Variants in NEB observed in about 807,000 individuals in gnomAD.
NEB encodes nebulin.
Under a neutral mutation model 952.2 loss-of-function variants are expected in NEB, and 512 were observed. The ratio of observed to expected loss-of-function variants is 0.54; its 90% confidence interval spans 0.50 to 0.58. The LOEUF (loss-of-function observed/expected upper bound fraction) is 0.58. Among genes scored for constraint, NEB ranks in the 20% least tolerant of loss-of-function variants. The pLI is 0.00. For missense variants in NEB, 8,428 were observed against 9,231.1 expected (o/e 0.91, Z 3.56); for synonymous variants, 2,900 against 3,149.8 (o/e 0.92, Z 2.66).
At chr2:151,628,377 C>T (rs1236309147) in intron 68 of NEB, among the ~76,000 whole-genome samples, 1 of 152,154 alleles carries the variant, frequency 6.6e-6, no homozygotes, top group East Asian at 1.9e-4. Context: ...ACAAGCCCTG[C>T]TCTGTTGGAG....
chr2:151,502,561 A>G lies in NEB; in HGVS notation c.23928+232T>C, dbSNP rs567255080. Among the ~76,000 whole-genome samples, 7 of 152,276 alleles carry G rather than the reference A, an allele frequency of 4.6e-5. No homozygotes were observed. The East Asian group carries it at 1.3e-3, about 29-fold the overall frequency. On this transcript the variant is annotated intron_variant, in intron 167 of 181. Transcript: ENST00000397345. ...TTATTAAAGGAGGAATGGAGGAAGA[A>G]AACAGAGTATTACAGGTTTTTAAAG...
intron 9 of NEB, among the ~76,000 whole-genome samples, chr2:151,718,329 G>GT (rs1236033141): frequency 4.6e-5 from 7 of 152,192 alleles, no homozygotes; most frequent in Admixed American, 4.6e-4. Context: ...CTGCCCAGTG[G>GT]TATGTTCTGT....
intron 138 of NEB, among the ~76,000 whole-genome samples, chr2:151,539,932 T>G (rs2093803086): frequency 6.6e-6 from 1 of 152,190 alleles, no homozygotes; most frequent in African/African-American, 2.4e-5. Flanking sequence ...TCATTATCAT[T>G]CCACATATAT....
chr2:151,630,922 A>G (rs931555906), intron 66 of NEB, 103 bp from the exon 67 acceptor site: 3 of 1,204,172 alleles, frequency 2.5e-6, no homozygotes, highest in African/African-American at 1.5e-5. Context: ...AAAATAAGCC[A>G]GACTTGAATA....
intron 43 of NEB, 26 bp downstream of exon 43, chr2:151,664,733 G>A: frequency 1.3e-6 from 2 of 1,575,656 alleles, no homozygotes; most frequent in South Asian, 1.1e-5. Flanking sequence ...CTTCTCCCCA[G>A]CTTTTGCTGT....
At position 151,627,109 on chromosome 2, in the gene NEB, G is replaced by A. The variant is rs748055566; in HGVS notation, c.10240C>T (p.Leu3414=). ...VVKCKRAAEI[L]SDNIYRQPPD... is the part of the protein sequence containing the mutation. ...GGCTGGCGGTAGATGTTATCACTCA[G>A]TATTTCAGCAGCTCTCTTGCACTTG... Residue 3414 remains leucine (L), a synonymous_variant, in exon 70 of 182, where the codon CTG becomes TTG. Transcript: ENST00000397345. 1.9e-6 allele frequency: 3 copies of A among 1,613,960 alleles called. No individual in the cohort carries two copies. Among genetic ancestry groups the A allele is most frequent in the Non-Finnish European group, 2.5e-6 (3 of 1,179,866 alleles).
chr2:151,708,742 T>C (rs1011982294), intron 12 of NEB, among the ~76,000 whole-genome samples: 8 of 152,350 alleles, frequency 5.3e-5, no homozygotes, highest in Middle Eastern at 3.4e-3. Context: ...CTACCATATC[T>C]GAAGATGAGC....
chr2:151,551,680 T>G (rs71415142), intron 129 of NEB, 58 bp downstream of exon 129: 2 of 1,363,292 alleles, frequency 1.5e-6, no homozygotes, highest in Non-Finnish European at 2.1e-6. Flanking sequence ...TCAGCTTGCT[T>G]CCACAGAGGC....
In NEB at chr2:151,568,694, T is replaced by G; in HGVS notation, c.17558A>C (p.Glu5853Ala). The G allele has an allele frequency of 6.2e-7, 1 of 1,602,150 alleles. No homozygotes were observed. The highest frequency in any genetic ancestry group is 1.1e-5 in the South Asian group (1 of 88,462). Reference sequence around the variant, plus strand: ...ATCCACAGGCGTAAAGTTGAGAGTTTCTATTTTTGTGCGATATTTTTTCTA... The same window carrying G: ...ATCCACAGGCGTAAAGTTGAGAGTTGCTATTTTTGTGCGATATTTTTTCTA... Reference protein sequence around the residue: ...FSEKKYRTKIETLNFTPVDDR... With the variant: ...FSEKKYRTKIATLNFTPVDDR... Residue 5853 changes from glutamate to alanine, a missense_variant, in exon 111 of 182, where the codon GAA becomes GCA. Glu to Ala is a moderately radical substitution (Grantham distance 107). Around this residue, in one of 11 missense-constraint regions of NEB, gnomAD observed 3,374 missense variants for 3,651.5 expected, o/e 0.92. Transcript: ENST00000397345.
chr2:151,679,621 T>C (rs1039617089), intron 32 of NEB, 100 bp downstream of exon 32: 4 of 734,446 alleles, frequency 5.4e-6, no homozygotes, highest in African/African-American at 1.8e-5. Context: ...TTGCTTCCAA[T>C]TGGGGACTGC....
At chr2:151,527,126 A>C (rs1420034880) in intron 147 of NEB, 104 bp from the exon 148 acceptor site, 1 of 721,208 alleles carries the variant, frequency 1.4e-6, no homozygotes, top group Non-Finnish European at 2.3e-6. Context: ...GAGGACAAAG[A>C]CTTGCTACCA....
chr2:151,718,974 C>T (rs1471947408), intron 9 of NEB, among the ~76,000 whole-genome samples: 1 of 152,190 alleles, frequency 6.6e-6, no homozygotes, highest in African/African-American at 2.4e-5. Flanking sequence ...TTCCCTCTCC[C>T]CATCTGTCTG....
intron 55 of NEB, 56 bp downstream of exon 55, chr2:151,646,074 T>A: frequency 7.6e-7 from 1 of 1,323,326 alleles, no homozygotes; most frequent in Admixed American, 2.1e-5. Context: ...ATTTCACTGA[T>A]TTAGAAACAA....
rs747094514 is a variant in NEB, at chr2:151,684,810, G to A, written c.2803C>T (p.Leu935Phe). 13 of 1,612,010 alleles carry A rather than the reference G, an allele frequency of 8.1e-6. No homozygotes were observed. Among genetic ancestry groups the A allele is most frequent in the East Asian group, 2.2e-5 (1 of 44,854 alleles). Reference protein sequence around the residue: ...SYPPDSINVDLAKKAYALQSD... With the variant: ...SYPPDSINVDFAKKAYALQSD... ...TGCAGCGCATATGCCTTCTTGGCAAGGTCCACATTGATGCTATCAGGGGGG... is the reference window on the plus strand; with the variant it reads ...TGCAGCGCATATGCCTTCTTGGCAAAGTCCACATTGATGCTATCAGGGGGG... The change falls in exon 28 of 182, where the codon CTT becomes TTT. Residue 935 changes from leucine (L) to phenylalanine (F), a missense_variant. Around this residue, in one of 11 missense-constraint regions of NEB, gnomAD observed 2,851 missense variants for 2,791.5 expected, o/e 1.02. Transcript: ENST00000397345.
At position 151,545,907 on chromosome 2, in the gene NEB, A is replaced by G; in HGVS notation, c.20558T>C (p.Leu6853Pro). 6.2e-7 allele frequency: 1 copy of G among 1,606,470 alleles called. No homozygotes were observed. Among genetic ancestry groups the G allele is most frequent in the Non-Finnish European group, 8.5e-7 (1 of 1,174,908 alleles). Residue 6853 changes from leucine (L) to proline (P), a missense_variant, in exon 135 of 182, where the codon CTG becomes CCG. Physicochemically the swap from Leu to Pro is moderately conservative, Grantham distance 98 (BLOSUM62 -3). Transcript: ENST00000397345. ...DTPEYRKVQELKTHLSELVYR... is the reference protein window; with the variant it reads ...DTPEYRKVQEPKTHLSELVYR... ...CCTTACCTCACTCAGATGTGTCTTC[A>G]GTTCTTGCACTTTTCTGTATTCTGG...
chr2:151,637,355 G>A (rs551941569), intron 63 of NEB, among the ~76,000 whole-genome samples: 4 of 152,314 alleles, frequency 2.6e-5, no homozygotes, highest in South Asian at 4.1e-4. Flanking sequence ...GAGGGGAAGC[G>A]GAGGGGTGTT....
intron 166 of NEB, chr2:151,503,120 T>C (rs1460257615): frequency 6.8e-6 from 4 of 586,974 alleles, no homozygotes; most frequent in Non-Finnish European, 1.2e-5. Context: ...AGGAATCTTG[T>C]TAATTCTACT....
At chr2:151,642,442 A>G in intron 60 of NEB, 132 bp downstream of exon 60, 1 of 738,838 alleles carries the variant, frequency 1.4e-6, no homozygotes, top group Non-Finnish European at 2.2e-6. Flanking sequence ...ATTATTTTAA[A>G]CCATTCATCG....
At position 151,527,033 on chromosome 2, in the gene NEB, A is replaced by C; in HGVS notation, c.21841-11T>G. ...CAGCTTATATTCAAACTGTGATAGAAGAAAGGCAGAAGAAAAGGGAAGGGT... is the reference window on the plus strand; with the variant it reads ...CAGCTTATATTCAAACTGTGATAGACGAAAGGCAGAAGAAAAGGGAAGGGT... On this transcript the variant is annotated splice_polypyrimidine_tract_variant and intron_variant, in intron 147 of 181. Transcript: ENST00000397345. The C allele has an allele frequency of 6.4e-7, 1 of 1,554,982 alleles. No homozygotes were observed. The highest frequency in any genetic ancestry group is 8.8e-7 in the Non-Finnish European group (1 of 1,139,138).
Sources: gnomAD v4.1 joint callset for allele counts (sites outside exome capture counted in the v4.1 genomes callset) on GRCh38, gnomAD v4.1.1 for gene constraint, gnomAD v4.1.1 regional missense constraint, MANE v1.5 for transcripts, NCBI Gene and HGNC (gene_info 2026-07-23, HGNC 2026-07-21) for gene names.